Variants in EPB41L4A observed in about 807,000 individuals in gnomAD.
EPB41L4A encodes erythrocyte membrane protein band 4.1 like 4A.
A neutral mutation model predicts 108.6 loss-of-function variants in EPB41L4A; 100 were observed. The observed-to-expected ratio is 0.92, with a 90% confidence interval of 0.78 to 1.09. The LOEUF (loss-of-function observed/expected upper bound fraction) is 1.09, where lower values mean the gene tolerates loss of function less well. Ranked by LOEUF, EPB41L4A falls within the 50% of genes least tolerant of loss-of-function variation. The pLI, the probability that EPB41L4A is intolerant of heterozygous loss-of-function variation, is 0.00. For missense variants in EPB41L4A, 1,030 were observed against 842.7 expected, an observed-to-expected ratio of 1.22 and a Z score of -2.75; for synonymous variants, 319 against 289.0, an observed-to-expected ratio of 1.10 and a Z score of -1.05.
chr5:112,387,874 G>C (rs1338543318), intron 1 of EPB41L4A, among the ~76,000 whole-genome samples: 1 of 152,156 alleles, frequency 6.6e-6, no homozygotes, highest in Non-Finnish European at 1.5e-5. Context: ...CATTTATGCA[G>C]AAGTCATAAC....
chr5:112,192,622 G>A (rs939698859), intron 17 of EPB41L4A, among the ~76,000 whole-genome samples: 1 of 152,094 alleles, frequency 6.6e-6, no homozygotes, highest in African/African-American at 2.4e-5. Flanking sequence ...CAGGAAAAAG[G>A]GGGAAGAAAC....
rs764564648 is a variant in EPB41L4A, at chr5:112,170,316, G to A, written c.1724C>T (p.Pro575Leu). ...GLSEEQLKEI[P>L]YTKIETQGDP... ...AGGCACTCACTCTATTTTAGTGTAT[G>A]GAATCTCTTTTAATTGTTCTTCGGA... Residue 575 changes from proline to leucine, a missense_variant, in exon 20 of 23, where the codon CCA becomes CTA. By Grantham distance (98) the Pro-to-Leu change is moderately conservative. Transcript: ENST00000261486. The A allele has an allele frequency of 1.3e-5, 21 of 1,613,290 alleles. No individual in the cohort carries two copies.
chr5:112,200,067 A>C (rs4958014), intron 15 of EPB41L4A, among the ~76,000 whole-genome samples: 1 of 151,690 alleles, frequency 6.6e-6, no homozygotes, highest in Non-Finnish European at 1.5e-5. Flanking sequence ...CTGTAAGATC[A>C]GATCCCATCT....
At chr5:112,286,366 C>A (rs1380369522) in intron 2 of EPB41L4A, among the ~76,000 whole-genome samples, 6 of 152,148 alleles carry the variant, frequency 3.9e-5, no homozygotes, top group African/African-American at 1.4e-4. Context: ...GGTGGGCTTG[C>A]TTTACATTCA....
rs559568241 is a variant in EPB41L4A, at chr5:112,164,725, C to T, written c.*265G>A. ...TGGTGCACGCCTGTAATCCCAGCTG[C>T]TCGGGAGCCTGAGACAGGAGAATCG... On this transcript the variant is annotated 3_prime_UTR_variant, in exon 23 of 23. Transcript: ENST00000261486. 151 of 235,246 alleles carry T rather than the reference C, an allele frequency of 6.4e-4. No individual in the cohort carries two copies. Among genetic ancestry groups the T allele is most frequent in the Middle Eastern group, 1.5e-3 (1 of 662 alleles). The allele number at this position is 235,246 out of a possible 1,614,324, so 14.6% of individuals were successfully genotyped here. A position where few individuals can be genotyped will look rare whatever the true frequency, so the allele number is the denominator to read the frequency against.
At chr5:112,261,705 G>A (rs2150443232) in intron 7 of EPB41L4A, among the ~76,000 whole-genome samples, 1 of 152,234 alleles carries the variant, frequency 6.6e-6, no homozygotes, top group South Asian at 2.1e-4. Context: ...TTCTATTAAT[G>A]CAGTGATACC....
chr5:112,168,750 T>G lies in EPB41L4A; in HGVS notation c.1921A>C (p.Thr641Pro), dbSNP rs1201651846. ...SSDAQGSGDA[T>P]VHQRRNGSKD... The stretch of plus-strand genomic sequence containing the variant: ...TTACTATTACTAACCTGATGAACTG[T>G]AGCATCCCCAGAACCCTGAGCATCC... Residue 641 changes from threonine (T) to proline (P), a missense_variant, in exon 22 of 23, where the codon ACA becomes CCA. By Grantham distance (38) the Thr-to-Pro change is conservative (BLOSUM62 -1). Coordinates refer to ENST00000261486, the MANE Select transcript of EPB41L4A (RefSeq NM_022140.5). The G allele has an allele frequency of 6.2e-7, 1 of 1,613,482 alleles. No homozygotes were observed. The highest frequency in any genetic ancestry group is 1.1e-5 in the South Asian group (1 of 91,050).
chr5:112,169,192 A>T (rs547490755), intron 20 of EPB41L4A, 87 bp from the exon 21 acceptor site: 2 of 922,782 alleles, frequency 2.2e-6, no homozygotes. Context: ...ACCGCAAAAG[A>T]ATAACAACTT....
chr5:112,191,341 G>C (rs1251274643), intron 17 of EPB41L4A, among the ~76,000 whole-genome samples: 1 of 152,074 alleles, frequency 6.6e-6, no homozygotes, highest in Non-Finnish European at 1.5e-5. Flanking sequence ...GACCCAAAGG[G>C]GACAGACAGA....
intron 1 of EPB41L4A, among the ~76,000 whole-genome samples, chr5:112,343,985 T>A (rs1208375590): frequency 6.6e-6 from 1 of 152,188 alleles, no homozygotes; most frequent in Admixed American, 6.5e-5. Context: ...GAGCCCAGGA[T>A]TTCAAGTCTG....
At chr5:112,242,132 G>C (rs368467215) in intron 9 of EPB41L4A, among the ~76,000 whole-genome samples, 1 of 152,208 alleles carries the variant, frequency 6.6e-6, no homozygotes, top group Admixed American at 6.5e-5. Flanking sequence ...CAACAATGAA[G>C]CTTTCTGTGT....
intron 7 of EPB41L4A, among the ~76,000 whole-genome samples, chr5:112,261,840 G>A (rs1314135077): frequency 6.7e-6 from 1 of 148,844 alleles, no homozygotes; most frequent in Non-Finnish European, 1.5e-5. Flanking sequence ...TCTATTTTTT[G>A]AAAAATCCTC....
intron 1 of EPB41L4A, among the ~76,000 whole-genome samples, chr5:112,418,712 T>C (rs1442206615): frequency 6.6e-6 from 1 of 152,090 alleles, no homozygotes; most frequent in Non-Finnish European, 1.5e-5. Flanking sequence ...GCCGGTGTGC[T>C]GAGTAAACTT....
At chr5:112,230,710 C>A (rs1748852502) in intron 12 of EPB41L4A, among the ~76,000 whole-genome samples, 2 of 152,176 alleles carry the variant, frequency 1.3e-5, no homozygotes. Context: ...CTTTGCTGTG[C>A]AGAAGCTTTT....
intron 1 of EPB41L4A, among the ~76,000 whole-genome samples, chr5:112,370,922 G>A (rs1289712863): frequency 6.6e-6 from 1 of 152,196 alleles, no homozygotes; most frequent in Non-Finnish European, 1.5e-5. Context: ...CTGGGTGACA[G>A]AATGAGACTC....
chr5:112,258,453 T>C (rs1751260747), intron 9 of EPB41L4A, among the ~76,000 whole-genome samples: 1 of 152,182 alleles, frequency 6.6e-6, no homozygotes, highest in South Asian at 2.1e-4. Context: ...GACAGAAGAG[T>C]AGATTCTCCT....
intron 4 of EPB41L4A, among the ~76,000 whole-genome samples, chr5:112,268,758 G>A (rs34649768): frequency 0.39 from 57,385 of 148,198 alleles, 12,075 homozygotes; most frequent in South Asian, 0.65. Flanking sequence ...CAGGAGGATC[G>A]TCTGAGCCCA....
At chr5:112,351,035 C>T (rs965285511) in intron 1 of EPB41L4A, among the ~76,000 whole-genome samples, 1 of 152,054 alleles carries the variant, frequency 6.6e-6, no homozygotes, top group African/African-American at 2.4e-5. Context: ...TATTTTTAGT[C>T]ACTTGAGAAA....
Position 112,264,994 on chromosome 5 carries a change from TG to T in EPB41L4A, c.455del (p.Pro152HisfsTer26). The T allele has an allele frequency of 1.2e-6, 2 of 1,604,098 alleles. No individual in the cohort carries two copies. The highest frequency in any genetic ancestry group is 1.7e-6 in the Non-Finnish European group (2 of 1,176,846). Reference protein sequence around the residue: ...AIQSELGDYDPYKHTAGYVSE... With the variant: ...AIQSELGDYDXYKHTAGYVSE... ...ATACATATCCTGCAGTATGTTTATA[TG>T]GGTCATAATCTCCAAGCTCCGCTAA... On this transcript the variant is annotated frameshift_variant, in exon 6 of 23. Coordinates refer to ENST00000261486, the MANE Select transcript of EPB41L4A (RefSeq NM_022140.5). LOFTEE classifies it high-confidence loss of function.
Sources: allele counts gnomAD v4.1 joint callset (sites outside exome capture counted in the v4.1 genomes callset), GRCh38; gene constraint gnomAD v4.1.1; transcripts MANE v1.5; gene names NCBI Gene and HGNC (gene_info 2026-07-23, HGNC 2026-07-21).